The following BLTP1 variants were observed in gnomAD, a reference collection of about 807,000 sequenced individuals.
BLTP1 encodes bridge-like lipid transfer protein family member 1.
At chr4:122,272,156 A>G in the BLTP1 span, 1 of 1,610,180 alleles carries the variant, frequency 6.2e-7, no homozygotes, top group Non-Finnish European at 8.5e-7. Context: ...ATTTACTTAT[A>G]AAGGAGTTCG....
chr4:122,269,368 A>C, the BLTP1 span: 1 of 974,586 alleles, frequency 1.0e-6, no homozygotes, highest in Non-Finnish European at 1.2e-6. Flanking sequence ...TCATTTGAGC[A>C]CACAAGTAAG....
chr4:122,182,422 C>G, the BLTP1 span, among the ~76,000 whole-genome samples: 1 of 152,130 alleles, frequency 6.6e-6, no homozygotes, highest in Non-Finnish European at 1.5e-5. Flanking sequence ...CCAAATCATC[C>G]CCTATTACCC....
At chr4:122,219,503 C>T in the BLTP1 span, 5 of 1,613,496 alleles carry the variant, frequency 3.1e-6, no homozygotes, top group Non-Finnish European at 4.2e-6. Context: ...CATCCACTTG[C>T]CTTGCGTCCT....
chr4:122,320,906 G>A, the BLTP1 span, among the ~76,000 whole-genome samples: 4 of 149,788 alleles, frequency 2.7e-5, no homozygotes, highest in African/African-American at 9.8e-5. Context: ...GCCTTTTGTG[G>A]TTTTAATTGA....
chr4:122,292,445 TA>T, the BLTP1 span: 1 of 838,692 alleles, frequency 1.2e-6, no homozygotes, highest in Non-Finnish European at 1.4e-6. Context: ...CTAAGCAATG[TA>T]AAAATCTAAG....
At chr4:122,292,247 C>A in the BLTP1 span, 1 of 615,968 alleles carries the variant, frequency 1.6e-6, no homozygotes, top group Non-Finnish European at 2.0e-6. Flanking sequence ...GGATTACAGG[C>A]GTGAGCCACT....
the BLTP1 span, chr4:122,281,717 T>C: frequency 5.0e-6 from 8 of 1,604,752 alleles, no homozygotes; most frequent in Non-Finnish European, 6.8e-6. Flanking sequence ...AGCAGCACTT[T>C]TACCATCTCT....
At chr4:122,283,773 G>A in the BLTP1 span, among the ~76,000 whole-genome samples, 1 of 152,172 alleles carries the variant, frequency 6.6e-6, no homozygotes, top group East Asian at 1.9e-4. Flanking sequence ...GTCTCCCAAA[G>A]TGCTGGTATT....
the BLTP1 span, chr4:122,209,780 AG>A: frequency 3.0e-5 from 48 of 1,602,114 alleles, no homozygotes; most frequent in Non-Finnish European, 3.6e-5. Context: ...TAAAGGAATG[AG>A]TATCTGACTA....
chr4:122,174,438 C>G, the BLTP1 span: 1 of 1,417,204 alleles, frequency 7.1e-7, no homozygotes, highest in Non-Finnish European at 9.4e-7. Flanking sequence ...ATCAGTAAGG[C>G]TGTAAGGGTA....
the BLTP1 span, chr4:122,344,318 A>C: frequency 6.6e-7 from 1 of 1,516,502 alleles, no homozygotes; most frequent in Non-Finnish European, 8.9e-7. Flanking sequence ...TCACCTAACT[A>C]GACAGCTGTG....
the BLTP1 span, chr4:122,189,097 ATTAT>A: frequency 1.0e-6 from 1 of 973,020 alleles, no homozygotes; most frequent in Non-Finnish European, 1.2e-6. Flanking sequence ...TTTTTGAAAA[ATTAT>A]AGAGAGTAAG....
chr4:122,245,158 C>T, the BLTP1 span: 2 of 1,592,372 alleles, frequency 1.3e-6, no homozygotes, highest in Non-Finnish European at 1.7e-6. Context: ...CTTTTTAATT[C>T]AATGGGCATA....
chr4:122,356,992 T>G, the BLTP1 span: 1 of 983,406 alleles, frequency 1.0e-6, no homozygotes, highest in Non-Finnish European at 1.2e-6. Flanking sequence ...TTATGTACAT[T>G]TTCAGTTAGA....
the BLTP1 span, among the ~76,000 whole-genome samples, chr4:122,192,629 G>A: frequency 1.3e-5 from 2 of 151,980 alleles, no homozygotes; most frequent in East Asian, 1.9e-4. Flanking sequence ...ATTAGAATGA[G>A]GAGCATATTT....
the BLTP1 span, among the ~76,000 whole-genome samples, chr4:122,322,763 A>G: frequency 6.6e-6 from 1 of 152,246 alleles, no homozygotes; most frequent in East Asian, 1.9e-4. Flanking sequence ...CAGTATGGAT[A>G]GAACTGACTG....
At chr4:122,249,362 T>A in the BLTP1 span, 1 of 1,435,052 alleles carries the variant, frequency 7.0e-7, no homozygotes, top group South Asian at 1.6e-5. Flanking sequence ...TTTTTCTATC[T>A]TTTTGACAGA....
the BLTP1 span, chr4:122,245,220 C>A: frequency 7.9e-7 from 1 of 1,271,652 alleles, no homozygotes; most frequent in Non-Finnish European, 1.1e-6. Context: ...GAAAAATTTT[C>A]TTTACAAGTT....
chr4:122,316,298 G>A, the BLTP1 span: 1 of 426,064 alleles, frequency 2.3e-6, no homozygotes, highest in Admixed American at 2.8e-5. Flanking sequence ...AAATAGTTTT[G>A]TTCTTGGGAA....
Sources: allele counts gnomAD v4.1 joint callset (sites outside exome capture counted in the v4.1 genomes callset), GRCh38; gene constraint gnomAD v4.1.1; transcripts MANE v1.5; gene names NCBI Gene and HGNC (gene_info 2026-07-23, HGNC 2026-07-21).